The following ERBB4 variants were observed in gnomAD, a reference collection of about 807,000 sequenced individuals.
ERBB4 encodes the protein receptor tyrosine-protein kinase erbB-4.
ERBB4 carries 42 observed loss-of-function variants against 158.0 expected under a neutral mutation model. The ratio of observed to expected loss-of-function variants is 0.27; its 90% confidence interval spans 0.21 to 0.34. The LOEUF is 0.34. Ranked by LOEUF, ERBB4 falls within the 10% of genes least tolerant of loss-of-function variation. ERBB4 has a pLI of 1.00. For missense variants in ERBB4, 1,333 were observed against 1,624.1 expected (o/e 0.82, Z 3.08); for synonymous variants, 583 against 558.7 (o/e 1.04, Z -0.61).
intron 1 of ERBB4, among the ~76,000 whole-genome samples, chr2:212,242,556 T>G (rs11896691): frequency 0.75 from 114,013 of 152,000 alleles, 43,045 homozygotes; most frequent in East Asian, 0.77. Flanking sequence ...GAGGTGAAAA[T>G]GTAGCTTAAT....
chr2:212,048,143 G>A (rs1023392580), intron 2 of ERBB4, among the ~76,000 whole-genome samples: 1 of 152,190 alleles, frequency 6.6e-6, no homozygotes, highest in African/African-American at 2.4e-5. Flanking sequence ...TGGAAAGAGT[G>A]CCTCAGCTGG....
chr2:211,975,099 C>G (rs2081567524), intron 2 of ERBB4, among the ~76,000 whole-genome samples: 1 of 152,114 alleles, frequency 6.6e-6, no homozygotes, highest in African/African-American at 2.4e-5. Context: ...CATCCCACCT[C>G]AGTCTCCTGA....
intron 2 of ERBB4, among the ~76,000 whole-genome samples, chr2:212,111,029 TG>T (rs2079389235): frequency 6.6e-6 from 1 of 151,792 alleles, no homozygotes; most frequent in Non-Finnish European, 1.5e-5. Flanking sequence ...ACATTTCCAA[TG>T]AGGGGCTCTT....
chr2:212,056,689 G>A (rs774790183), intron 2 of ERBB4, among the ~76,000 whole-genome samples: 3 of 152,146 alleles, frequency 2.0e-5, no homozygotes, highest in Non-Finnish European at 4.4e-5. Context: ...AGCTTCCTAA[G>A]TGAAGGAGAA....
chr2:212,484,014 G>T (rs939229673), intron 1 of ERBB4, among the ~76,000 whole-genome samples: 4 of 152,086 alleles, frequency 2.6e-5, no homozygotes, highest in African/African-American at 9.7e-5. Flanking sequence ...AGGATTACAG[G>T]CATGAGCCAC....
intron 20 of ERBB4, among the ~76,000 whole-genome samples, chr2:211,530,680 G>C (rs1339080470): frequency 9.9e-5 from 15 of 152,084 alleles, no homozygotes; most frequent in Admixed American, 1.3e-4. Context: ...TTGAGTCCAG[G>C]AGTTTGAGAC....
intron 20 of ERBB4, among the ~76,000 whole-genome samples, chr2:211,473,415 A>C (rs1257743392): frequency 6.6e-6 from 1 of 152,132 alleles, no homozygotes; most frequent in East Asian, 1.9e-4. Context: ...TTAGGCCACC[A>C]GTTTGTGGCA....
At chr2:212,302,781 T>C (rs1458734093) in intron 1 of ERBB4, among the ~76,000 whole-genome samples, 2 of 151,590 alleles carry the variant, frequency 1.3e-5, no homozygotes, top group Non-Finnish European at 3.0e-5. Context: ...ATAGCACTTA[T>C]TGTGATTGTT....
intron 1 of ERBB4, among the ~76,000 whole-genome samples, chr2:212,236,544 C>G (rs1197495541): frequency 6.6e-6 from 1 of 152,190 alleles, no homozygotes; most frequent in Admixed American, 6.5e-5. Flanking sequence ...AGGAATGGCA[C>G]AAGCTCCTCT....
intron 20 of ERBB4, among the ~76,000 whole-genome samples, chr2:211,467,416 C>T (rs182244997): frequency 3.2e-4 from 48 of 152,188 alleles, no homozygotes; most frequent in Non-Finnish European, 5.4e-4. Context: ...ATGTAATGTA[C>T]AGGATCAATA....
At chr2:212,535,196 T>C (rs1692978699) in intron 1 of ERBB4, among the ~76,000 whole-genome samples, 1 of 152,190 alleles carries the variant, frequency 6.6e-6, no homozygotes, top group South Asian at 2.1e-4. Flanking sequence ...TTTAGACATA[T>C]TGTGAAGAAA....
At chr2:212,116,062 T>G (rs1361064037) in intron 2 of ERBB4, among the ~76,000 whole-genome samples, 10 of 152,084 alleles carry the variant, frequency 6.6e-5, no homozygotes, top group Admixed American at 6.6e-4. Flanking sequence ...AATAATAGAT[T>G]GTTTTCATTA....
At chr2:211,560,239 G>A (rs1171439064) in intron 20 of ERBB4, among the ~76,000 whole-genome samples, 1 of 130,440 alleles carries the variant, frequency 7.7e-6, no homozygotes, top group African/African-American at 3.0e-5. Flanking sequence ...AATACAGACA[G>A]CACTAACAAA....
chr2:211,734,782 G>T (rs191132667), intron 5 of ERBB4, among the ~76,000 whole-genome samples: 1 of 151,412 alleles, frequency 6.6e-6, no homozygotes, highest in African/African-American at 2.4e-5. Flanking sequence ...TTAGCCAGGC[G>T]TGGTGGCGGG....
intron 2 of ERBB4, among the ~76,000 whole-genome samples, chr2:211,951,097 C>A (rs1427110536): frequency 1.3e-5 from 2 of 152,056 alleles, no homozygotes; most frequent in Non-Finnish European, 2.9e-5. Flanking sequence ...TGTATTATGA[C>A]TCTTTTGCCT....
chr2:211,482,696 G>A (rs540098898), intron 20 of ERBB4, among the ~76,000 whole-genome samples: 26 of 152,170 alleles, frequency 1.7e-4, no homozygotes, highest in African/African-American at 3.9e-4. Flanking sequence ...ACCTGAGGTC[G>A]GGAGTTCAAG....
At position 211,946,877 on chromosome 2, in the gene ERBB4, A is replaced by G. The variant is rs1280722305; in HGVS notation, c.421+553T>C. ...AGGTTGCTTACATCATATATTTCCAATCTTAATGAGAAAAACCTACTCTGA... is the reference window on the plus strand; with the variant it reads ...AGGTTGCTTACATCATATATTTCCAGTCTTAATGAGAAAAACCTACTCTGA... On this transcript the variant is annotated intron_variant, in intron 3 of 27. Coordinates refer to ENST00000342788, the MANE Select transcript of ERBB4 (RefSeq NM_005235.3). 3.9e-5 allele frequency among the ~76,000 whole-genome samples: 6 copies of G among 152,012 alleles called. No individual in the cohort carries two copies. In the East Asian group the frequency reaches 9.7e-4, roughly 24 times the overall value.
At chr2:211,627,848 T>C (rs185240239) in intron 17 of ERBB4, among the ~76,000 whole-genome samples, 1 of 152,348 alleles carries the variant, frequency 6.6e-6, no homozygotes, top group African/African-American at 2.4e-5. Context: ...CCATGAACAC[T>C]ATCTGCTTTT....
chr2:211,538,817 GTGAATA>G (rs1306041780), intron 20 of ERBB4, among the ~76,000 whole-genome samples: 1 of 151,854 alleles, frequency 6.6e-6, no homozygotes, highest in Non-Finnish European at 1.5e-5. Flanking sequence ...TGTATGTAAT[GTGAATA>G]TGAATATGTG....
Sources: allele counts gnomAD v4.1 joint callset (sites outside exome capture counted in the v4.1 genomes callset), GRCh38; gene constraint gnomAD v4.1.1; transcripts MANE v1.5; gene names NCBI Gene and HGNC (gene_info 2026-07-23, HGNC 2026-07-21).